MYO9A: variants seen among roughly 807,000 people sequenced by gnomAD.
The protein encoded by MYO9A is myosin IXA.
MYO9A carries 103 observed loss-of-function variants against 293.3 expected under a neutral mutation model. The observed-to-expected ratio is 0.35, with a 90% confidence interval of 0.30 to 0.41. The LOEUF is 0.41. MYO9A is among the 10% of genes least tolerant of loss of function. MYO9A has a pLI of 1.00. For synonymous variants in MYO9A, 1,001 were observed against 1,035.7 expected (o/e 0.97, Z 0.64); for missense variants, 2,685 against 3,033.0 (o/e 0.89, Z 2.69).
chr15:72,005,123 A>G (rs1392697156), intron 8 of MYO9A, among the ~76,000 whole-genome samples: 1 of 152,174 alleles, frequency 6.6e-6, no homozygotes, highest in Non-Finnish European at 1.5e-5. Flanking sequence ...TAGCTCCTGA[A>G]CTTTGAAGCT....
intron 1 of MYO9A, among the ~76,000 whole-genome samples, chr15:72,107,093 G>T (rs1196737248): frequency 1.3e-5 from 2 of 152,154 alleles, no homozygotes; most frequent in African/African-American, 4.8e-5. Context: ...ACTAAAAGGA[G>T]GAGGAGGAAG....
rs575457939 is a variant in MYO9A, at chr15:71,994,788, A to G, written c.1471-203T>C. On this transcript the variant is annotated intron_variant, in intron 9 of 41. Coordinates refer to ENST00000356056, the MANE Select transcript of MYO9A (RefSeq NM_006901.4). ...GCTCTCATTGGCCACGCTGGAATGC[A>G]ATGGTGCAATCTCGGCTCATGGCAG... Among the ~76,000 whole-genome samples, 4 of 152,354 alleles carry G rather than the reference A, an allele frequency of 2.6e-5. No individual in the cohort carries two copies. The East Asian group carries it at 7.7e-4, about 29-fold the overall frequency.
chr15:71,892,936 C>T (rs981847148), intron 26 of MYO9A: 22 of 1,197,720 alleles, frequency 1.8e-5, no homozygotes, highest in Non-Finnish European at 2.1e-5. Flanking sequence ...GATTTGCTTG[C>T]TATTTTTCTT....
At chr15:72,055,476 G>A (rs1389427218) in intron 1 of MYO9A, among the ~76,000 whole-genome samples, 1 of 151,968 alleles carries the variant, frequency 6.6e-6, no homozygotes, top group African/African-American at 2.4e-5. Flanking sequence ...TGAATAAATG[G>A]GACTTAATTA....
intron 10 of MYO9A, among the ~76,000 whole-genome samples, 177 bp downstream of exon 10, chr15:71,994,292 A>G (rs1304741776): frequency 6.6e-6 from 1 of 152,182 alleles, no homozygotes; most frequent in African/African-American, 2.4e-5. Context: ...AACACATAAT[A>G]AAAAAGGTCT....
chr15:71,977,543 G>A (rs189454156), intron 12 of MYO9A, among the ~76,000 whole-genome samples: 44 of 151,332 alleles, frequency 2.9e-4, no homozygotes, highest in Non-Finnish European at 5.4e-4. Flanking sequence ...GGCCTATCAC[G>A]ATATTCTTTT....
intron 1 of MYO9A, among the ~76,000 whole-genome samples, chr15:72,110,560 C>T (rs1158068646): frequency 6.6e-6 from 1 of 151,554 alleles, no homozygotes. Context: ...GTACTAAAAT[C>T]TGTCAATTAT....
At chr15:72,087,694 C>T (rs2079784759) in intron 1 of MYO9A, among the ~76,000 whole-genome samples, 1 of 152,160 alleles carries the variant, frequency 6.6e-6, no homozygotes, top group African/African-American at 2.4e-5. Context: ...TGCCAGTTGT[C>T]CCAGTCCCTC....
At chr15:72,045,044 C>T (rs2078341379) in intron 2 of MYO9A, 1 of 152,170 alleles carries the variant, frequency 6.6e-6, no homozygotes, top group African/African-American at 2.4e-5. Flanking sequence ...TTCATCTTCT[C>T]ACATCTATCA....
In MYO9A at chr15:71,880,453, T is replaced by C; in HGVS notation, c.5504A>G (p.Lys1835Arg). ...NKEPSPKAKR[K>R]RSVKISNVAL... ...CACGTTGCTAATCTTCACACTTCGC[T>C]TGCGCTTAGCCTTTGGAGAAGGTTC... Residue 1835 changes from lysine (K) to arginine (R), a missense_variant, in exon 29 of 42, where the codon AAG (lysine) becomes AGG (arginine). This residue lies in a region of MYO9A where 1,434 missense variants were observed against 1,497.7 expected (regional missense o/e 0.96). Transcript: ENST00000356056. 6.2e-7 allele frequency: 1 copy of C among 1,614,232 alleles called. No individual in the cohort carries two copies. Among genetic ancestry groups the C allele is most frequent in the Non-Finnish European group, 8.5e-7 (1 of 1,180,022 alleles).
rs750026491 is a variant in MYO9A at position 71,959,844 on chromosome 15, A to G, written c.2182+57T>C. On this transcript the variant is annotated intron_variant, in intron 14 of 41. Coordinates refer to ENST00000356056, the MANE Select transcript of MYO9A (RefSeq NM_006901.4). ...CTACTCCTTTTTGTGGAGAAGTAGAAAGGTAAAAAAAAAAAAAAAGATGAA... is the reference window on the plus strand; with the variant it reads ...CTACTCCTTTTTGTGGAGAAGTAGAGAGGTAAAAAAAAAAAAAAAGATGAA... 4 of 1,269,558 alleles carry G rather than the reference A, an allele frequency of 3.2e-6. No homozygotes were observed. The African/African-American group carries it at 7.3e-5, about 23-fold the overall frequency. 78.6% of individuals were successfully genotyped at this position (1,269,558 alleles called of 1,614,324 possible).
rs570240189 is a variant in MYO9A at position 71,861,705 on chromosome 15, A to G, written c.6091+795T>C. 3.9e-3 allele frequency among the ~76,000 whole-genome samples: 585 copies of G among 149,626 alleles called. 3 individuals are homozygous for G. The highest frequency in any genetic ancestry group is 0.013 in the African/African-American group (547 of 41,020). ...AAAAAAAAAAAAAAAAAAAAAACAA[A>G]TAAGTTTCCTGACCTATAGAGCATA... is the stretch of plus-strand genomic sequence containing the variant. On this transcript the variant is annotated intron_variant, in intron 33 of 41. Coordinates refer to ENST00000356056, the MANE Select transcript of MYO9A (RefSeq NM_006901.4).
Position 71,933,016 on chromosome 15 carries a change from TA to T in MYO9A, c.2562+653del, listed in dbSNP as rs201109157. 4.8e-3 allele frequency among the ~76,000 whole-genome samples: 721 copies of T among 150,412 alleles called. 7 individuals carry two copies. Among genetic ancestry groups the T allele is most frequent in the African/African-American group, 0.017 (695 of 40,924 alleles). ...CAACCCCTGCAAAAAAATAAAAAAATAAAAAAAAACCAGAGCTATATTAACA... is the reference window on the plus strand; with the variant it reads ...CAACCCCTGCAAAAAAATAAAAAAATAAAAAAAACCAGAGCTATATTAACA... On this transcript the variant is annotated intron_variant, in intron 18 of 41. Transcript: ENST00000356056.
chr15:71,955,792 T>C (rs966089128), intron 14 of MYO9A, among the ~76,000 whole-genome samples: 2 of 152,160 alleles, frequency 1.3e-5, no homozygotes, highest in African/African-American at 4.8e-5. Flanking sequence ...TTAGAACATT[T>C]TGATCATACA....
intron 11 of MYO9A, among the ~76,000 whole-genome samples, chr15:71,985,575 T>C (rs2076388455): frequency 6.6e-6 from 1 of 152,214 alleles, no homozygotes; most frequent in Non-Finnish European, 1.5e-5. Flanking sequence ...CTCCTCCTTA[T>C]TTTTGAGTCA....
intron 19 of MYO9A, among the ~76,000 whole-genome samples, chr15:71,915,651 A>G (rs1306292406): frequency 6.6e-6 from 1 of 152,146 alleles, no homozygotes; most frequent in African/African-American, 2.4e-5. Flanking sequence ...AAAAAGTGTT[A>G]ACATATACAG....
chr15:72,003,906 T>A (rs955734175), intron 8 of MYO9A, among the ~76,000 whole-genome samples: 3 of 152,140 alleles, frequency 2.0e-5, no homozygotes, highest in African/African-American at 7.2e-5. Flanking sequence ...GAACATATTA[T>A]TCTCTGCTAA....
intron 1 of MYO9A, among the ~76,000 whole-genome samples, chr15:72,086,626 CA>C (rs1274935344): frequency 1.5e-5 from 2 of 132,488 alleles, no homozygotes; most frequent in Admixed American, 8.4e-5. Flanking sequence ...CACACACCGG[CA>C]AAGTGATGTG....
intron 11 of MYO9A, among the ~76,000 whole-genome samples, chr15:71,990,170 C>T (rs1016140240): frequency 6.6e-6 from 1 of 150,714 alleles, no homozygotes; most frequent in African/African-American, 2.4e-5. Flanking sequence ...CTGCAACATA[C>T]ACCTCCCAGG....
Sources: gnomAD v4.1 joint callset for allele counts (sites outside exome capture counted in the v4.1 genomes callset) on GRCh38, gnomAD v4.1.1 for gene constraint, gnomAD v4.1.1 regional missense constraint, MANE v1.5 for transcripts, NCBI Gene and HGNC (gene_info 2026-07-23, HGNC 2026-07-21) for gene names.